MRPS22: variants seen among roughly 807,000 people sequenced by gnomAD.
The protein encoded by MRPS22 is mitochondrial ribosomal protein S22, also known as small ribosomal subunit protein mS22.
Under a neutral mutation model 44.0 loss-of-function variants are expected in MRPS22, and 30 were observed. The observed-to-expected ratio is 0.68, with a 90% confidence interval of 0.51 to 0.93. MRPS22 has a LOEUF of 0.93. MRPS22 is among the 40% of genes least tolerant of loss of function. The pLI, the probability that MRPS22 is intolerant of heterozygous loss-of-function variation, is 0.00. For synonymous variants in MRPS22, 165 were observed against 154.4 expected, an observed-to-expected ratio of 1.07 and a Z score of -0.51; for missense variants, 447 against 447.8, an observed-to-expected ratio of 1.00 and a Z score of 0.02.
chr3:139,351,434 A>C (rs574133754), intron 5 of MRPS22: 1 of 345,146 alleles, frequency 2.9e-6, no homozygotes, highest in East Asian at 7.5e-5. Flanking sequence ...GTAAGTATTC[A>C]TTAGTACCTT....
In MRPS22 at chr3:139,351,052, T is replaced by G; in HGVS notation, c.724T>G (p.Tyr242Asp). 6.2e-7 allele frequency: 1 copy of G among 1,613,196 alleles called. No homozygotes were observed. Among genetic ancestry groups the G allele is most frequent in the African/African-American group, 1.3e-5 (1 of 75,016 alleles). Reference protein sequence around the residue: ...FAQFEPDSTEYIKVHHKTYED... With the variant: ...FAQFEPDSTEDIKVHHKTYED... The stretch of plus-strand genomic sequence containing the variant: ...CCAGTTTGAGCCAGATTCCACAGAG[T>G]ATATCAAGGTGAGTAGATTTTAGTT... The change falls in exon 5 of 8, where the codon TAT becomes GAT. Residue 242 changes from tyrosine to aspartate, a missense_variant. By Grantham distance (160) the Tyr-to-Asp change is radical (BLOSUM62 -3). Coordinates refer to ENST00000680020, the MANE Select transcript of MRPS22 (RefSeq NM_020191.4).
At chr3:139,352,618 T>G in intron 5 of MRPS22, 29 bp from the exon 6 acceptor site, 2 of 1,604,754 alleles carry the variant, frequency 1.2e-6, no homozygotes, top group Non-Finnish European at 1.7e-6. Context: ...ATTTTCATGT[T>G]TCTGAAGAGT....
At position 139,350,968 on chromosome 3, in the gene MRPS22, T is replaced by C; in HGVS notation, c.649-9T>C. ...CTCATGTGATGCTAACTCTGCTGTG[T>C]GGTTTTAGACTATGTATAGCCAGGA... On this transcript the variant is annotated splice_polypyrimidine_tract_variant and intron_variant, in intron 4 of 7. Coordinates refer to ENST00000680020, the MANE Select transcript of MRPS22 (RefSeq NM_020191.4). 1.9e-6 allele frequency: 3 copies of C among 1,612,874 alleles called. No homozygotes were observed. Among genetic ancestry groups the C allele is most frequent in the Non-Finnish European group, 2.5e-6 (3 of 1,178,844 alleles).
At chr3:139,355,898 C>A in intron 7 of MRPS22, 108 bp downstream of exon 7, 1 of 797,220 alleles carries the variant, frequency 1.3e-6, no homozygotes, top group Non-Finnish European at 2.2e-6. Flanking sequence ...GAATATGGGA[C>A]ATCTGTGGTC....
Position 139,344,211 on chromosome 3 carries a change from C to A in MRPS22, c.172+13C>A, listed in dbSNP as rs1352847914. ...AGCTCCGAGGCCGGTAAGTGACCTT[C>A]CGGACTTTCGCTGGGGCGTTCTTCT... On this transcript the variant is annotated intron_variant, in intron 1 of 7. Transcript: ENST00000680020. 1.3e-6 allele frequency: 2 copies of A among 1,597,028 alleles called. No individual in the cohort carries two copies. The highest frequency in any genetic ancestry group is 2.3e-5 in the East Asian group (1 of 44,344).
intron 6 of MRPS22, among the ~76,000 whole-genome samples, chr3:139,353,253 A>G (rs1407408548): frequency 6.6e-6 from 1 of 152,322 alleles, no homozygotes; most frequent in Non-Finnish European, 1.5e-5. Context: ...GGCATGAAAA[A>G]GTTAGCTTCT....
rs1334458271 is a variant in MRPS22 at position 139,357,077 on chromosome 3, C to A, written c.*63C>A. 4 of 1,342,538 alleles carry A rather than the reference C, an allele frequency of 3.0e-6. No homozygotes were observed. Among genetic ancestry groups the A allele is most frequent in the Non-Finnish European group, 4.2e-6 (4 of 954,498 alleles). 83.2% of individuals were successfully genotyped at this position (1,342,538 alleles called of 1,614,324 possible). A position where few individuals can be genotyped will look rare whatever the true frequency, so the allele number is the denominator to read the frequency against. ...ACTACATTTCTCTGTTAATATTGAG[C>A]TAAATGTTAAAAAATGGCCAGATTA... On this transcript the variant is annotated 3_prime_UTR_variant, in exon 8 of 8. Coordinates refer to ENST00000680020, the MANE Select transcript of MRPS22 (RefSeq NM_020191.4).
At position 139,352,822 on chromosome 3, in the gene MRPS22, C is replaced by T. The variant is rs1220154309; in HGVS notation, c.878+30C>T. 4 of 1,604,180 alleles carry T rather than the reference C, an allele frequency of 2.5e-6. No individual in the cohort carries two copies. In the African/African-American group the frequency reaches 4.0e-5, roughly 16 times the overall value. On this transcript the variant is annotated intron_variant, in intron 6 of 7. Coordinates refer to ENST00000680020, the MANE Select transcript of MRPS22 (RefSeq NM_020191.4). ...GTATGATCTTAGTAAGTGAAAGAAT[C>T]ATTCTTATTGCTCTAACAGTTCATC...
At chr3:139,346,200 G>C (rs1320668617) in intron 1 of MRPS22, among the ~76,000 whole-genome samples, 1 of 152,098 alleles carries the variant, frequency 6.6e-6, no homozygotes, top group South Asian at 2.1e-4. Context: ...TCTTAGCCTA[G>C]ACTTTCCCTC....
chr3:139,355,250 C>A (rs975479504), intron 6 of MRPS22, among the ~76,000 whole-genome samples: 1 of 152,168 alleles, frequency 6.6e-6, no homozygotes, highest in African/African-American at 2.4e-5. Flanking sequence ...TTTGAGATCC[C>A]TGTGACCACC....
At chr3:139,347,883 TA>T (rs1297508376) in intron 2 of MRPS22, among the ~76,000 whole-genome samples, 1 of 152,268 alleles carries the variant, frequency 6.6e-6, no homozygotes. Context: ...TGCATTCTTT[TA>T]TTCTGTTTCA....
At position 139,348,171 on chromosome 3, in the gene MRPS22, G is replaced by A. The variant is rs1373176190; in HGVS notation, c.351G>A (p.Gln117=). ...TQAQLEEATR[Q]AVEAAKVRLK... is the part of the protein sequence containing the mutation. ...TTTTCTTTCATTAGGCTACAAGACA[G>A]GCAGTTGAGGCAGCTAAAGTACGAT... is the stretch of plus-strand genomic sequence containing the variant. Residue 117 remains glutamine, a synonymous_variant, in exon 3 of 8, where the codon CAG becomes CAA. Transcript: ENST00000680020. The A allele has an allele frequency of 1.2e-6, 2 of 1,614,078 alleles. No individual in the cohort carries two copies. Among genetic ancestry groups the A allele is most frequent in the Non-Finnish European group, 1.7e-6 (2 of 1,180,014 alleles).
At chr3:139,347,489 C>T (rs538973598) in intron 2 of MRPS22, among the ~76,000 whole-genome samples, 2 of 152,214 alleles carry the variant, frequency 1.3e-5, no homozygotes, top group Admixed American at 6.5e-5. Flanking sequence ...TGTATGAATA[C>T]GTAAAGCATT....
chr3:139,351,288 A>G (rs1417440413), intron 5 of MRPS22: 2 of 514,994 alleles, frequency 3.9e-6, no homozygotes, highest in Non-Finnish European at 7.1e-6. Flanking sequence ...GCTTGCTGAA[A>G]GTTGCATAGC....
chr3:139,351,991 A>G (rs1941160638), intron 5 of MRPS22: 1 of 153,022 alleles, frequency 6.5e-6, no homozygotes, highest in Non-Finnish European at 1.5e-5. Context: ...AGTTAATAAG[A>G]TGGAATGGGC....
At chr3:139,345,505 G>T (rs1421177899) in intron 1 of MRPS22, among the ~76,000 whole-genome samples, 1 of 135,204 alleles carries the variant, frequency 7.4e-6, no homozygotes, top group Non-Finnish European at 1.5e-5. Context: ...CTCATGGGTT[G>T]TTGTGAGTAT....
chr3:139,356,008 G>A (rs1941251375), intron 7 of MRPS22, among the ~76,000 whole-genome samples: 1 of 152,192 alleles, frequency 6.6e-6, no homozygotes, highest in African/African-American at 2.4e-5. Context: ...GTTGAGTGAT[G>A]TGGTGCTAGC....
intron 1 of MRPS22, 96 bp downstream of exon 1, chr3:139,344,294 G>A (rs968622063): frequency 2.3e-6 from 3 of 1,299,166 alleles, no homozygotes; most frequent in Non-Finnish European, 3.2e-6. Flanking sequence ...CCCGCGACAC[G>A]TATCCTAGCG....
In MRPS22 at chr3:139,356,783, A is replaced by G. The variant is rs548394703; in HGVS notation, c.988-136A>G. 99 of 656,962 alleles carry G rather than the reference A, an allele frequency of 1.5e-4. No homozygotes were observed. In the South Asian group the frequency reaches 1.7e-3, roughly 11 times the overall value. The allele number at this position is 656,962 out of a possible 1,614,324, so 40.7% of individuals were successfully genotyped here. A position where few individuals can be genotyped will look rare whatever the true frequency, so the allele number is the denominator to read the frequency against. On this transcript the variant is annotated intron_variant, in intron 7 of 7. Transcript: ENST00000680020. ...ATTAATTATTGTATAATCGGGGGAA[A>G]AATTGTGAAATCTGAAAGCCCTTTT...
Sources: allele counts gnomAD v4.1 joint callset (sites outside exome capture counted in the v4.1 genomes callset), GRCh38; gene constraint gnomAD v4.1.1; transcripts MANE v1.5; gene names NCBI Gene and HGNC (gene_info 2026-07-23, HGNC 2026-07-21).